SLC30A8: variants seen among roughly 807,000 people sequenced by gnomAD.
SLC30A8 encodes solute carrier family 30 member 8, also known as proton-coupled zinc antiporter SLC30A8.
A neutral mutation model predicts 36.9 loss-of-function variants in SLC30A8; 27 were observed. The observed-to-expected ratio is 0.73, with a 90% confidence interval of 0.54 to 1.01. The LOEUF (loss-of-function observed/expected upper bound fraction) is 1.01, where lower values mean the gene tolerates loss of function less well. Among genes scored for constraint, SLC30A8 ranks in the 50% least tolerant of loss-of-function variants. The pLI is 0.00. For missense variants in SLC30A8, 439 were observed against 452.0 expected, an observed-to-expected ratio of 0.97 and a Z score of 0.26; for synonymous variants, 164 against 172.4, an observed-to-expected ratio of 0.95 and a Z score of 0.38.
intron 1 of SLC30A8, among the ~76,000 whole-genome samples, chr8:116,971,314 A>C (rs573469655): frequency 1.4e-4 from 21 of 152,048 alleles, no homozygotes; most frequent in Middle Eastern, 6.8e-3. Flanking sequence ...AAAAAAAAAA[A>C]CAAAAACACA....
chr8:117,039,716 G>A (rs1377241924), intron 2 of SLC30A8, among the ~76,000 whole-genome samples: 1 of 152,228 alleles, frequency 6.6e-6, no homozygotes, highest in Admixed American at 6.5e-5. Flanking sequence ...AGGCATCAGT[G>A]AATAATAGCT....
intron 1 of SLC30A8, among the ~76,000 whole-genome samples, chr8:116,975,888 C>T (rs2130628028): frequency 6.6e-6 from 1 of 152,284 alleles, no homozygotes; most frequent in South Asian, 2.1e-4. Context: ...TTAAGACTCT[C>T]AGCTCGTGGG....
At chr8:117,015,871 G>A (rs1303004542) in intron 1 of SLC30A8, among the ~76,000 whole-genome samples, 1 of 152,114 alleles carries the variant, frequency 6.6e-6, no homozygotes, top group Non-Finnish European at 1.5e-5. Flanking sequence ...GGTACATTGG[G>A]GAGAGCCACA....
intron 2 of SLC30A8, among the ~76,000 whole-genome samples, chr8:117,040,468 C>A (rs1349764590): frequency 1.3e-5 from 2 of 152,126 alleles, no homozygotes; most frequent in Non-Finnish European, 2.9e-5. Flanking sequence ...TTTTAATAAA[C>A]TGCAAGAGGA....
At chr8:117,039,989 T>C (rs1460534399) in intron 2 of SLC30A8, among the ~76,000 whole-genome samples, 1 of 152,238 alleles carries the variant, frequency 6.6e-6, no homozygotes, top group Non-Finnish European at 1.5e-5. Flanking sequence ...TGCTAATATG[T>C]CTGTGCTAAC....
chr8:116,982,548 G>A (rs1349645627), intron 1 of SLC30A8, among the ~76,000 whole-genome samples: 2 of 152,116 alleles, frequency 1.3e-5, no homozygotes, highest in African/African-American at 4.8e-5. Flanking sequence ...ATTAATAAAA[G>A]CAAATAAGAT....
intron 2 of SLC30A8, among the ~76,000 whole-genome samples, chr8:117,106,630 C>T (rs1438540657): frequency 6.6e-6 from 1 of 152,088 alleles, no homozygotes; most frequent in East Asian, 1.9e-4. Context: ...CTTGGATTGG[C>T]TGCCTGTCAA....
At chr8:116,991,584 G>A (rs563489304) in intron 1 of SLC30A8, among the ~76,000 whole-genome samples, 13 of 152,208 alleles carry the variant, frequency 8.5e-5, no homozygotes, top group East Asian at 1.9e-4. Context: ...GATTATAGGC[G>A]TGAGCCACCA....
chr8:117,012,662 A>G (rs1451649224), intron 1 of SLC30A8, among the ~76,000 whole-genome samples: 1 of 149,212 alleles, frequency 6.7e-6, no homozygotes, highest in Non-Finnish European at 1.5e-5. Context: ...GGACGACTGT[A>G]TATAAGTGTG....
intron 2 of SLC30A8, among the ~76,000 whole-genome samples, chr8:117,049,018 A>C (rs1179177114): frequency 6.6e-6 from 1 of 152,208 alleles, no homozygotes; most frequent in Non-Finnish European, 1.5e-5. Context: ...TCTGAAGCAT[A>C]TATCTTGATT....
At chr8:117,107,600 A>T (rs537486341) in intron 2 of SLC30A8, among the ~76,000 whole-genome samples, 34 of 152,148 alleles carry the variant, frequency 2.2e-4, no homozygotes, top group Non-Finnish European at 4.0e-4. Context: ...TTGGGGCCAG[A>T]CATCCAATCT....
intron 1 of SLC30A8, among the ~76,000 whole-genome samples, chr8:117,037,754 G>C (rs1817260604): frequency 6.6e-6 from 1 of 152,172 alleles, no homozygotes; most frequent in Admixed American, 6.5e-5. Context: ...GGATTCCCTG[G>C]ACAGGGAAAG....
intron 2 of SLC30A8, among the ~76,000 whole-genome samples, chr8:117,106,494 T>G (rs1820001197): frequency 6.6e-6 from 1 of 152,188 alleles, no homozygotes; most frequent in Non-Finnish European, 1.5e-5. Context: ...TCAGAGATTG[T>G]TAGAGTAAGA....
intron 2 of SLC30A8, among the ~76,000 whole-genome samples, chr8:117,085,122 C>T (rs1818822504): frequency 6.6e-6 from 1 of 152,196 alleles, no homozygotes; most frequent in South Asian, 2.1e-4. Flanking sequence ...TCCCTTGGCT[C>T]TTTGGCAAGT....
intron 2 of SLC30A8, 34 bp downstream of exon 2, chr8:117,147,187 A>G: frequency 1.9e-6 from 3 of 1,580,596 alleles, no homozygotes; most frequent in Non-Finnish European, 2.6e-6. Context: ...TCATTAAACA[A>G]CCAAACAAAA....
At chr8:117,085,720 A>G (rs770687876) in intron 2 of SLC30A8, among the ~76,000 whole-genome samples, 2 of 152,178 alleles carry the variant, frequency 1.3e-5, no homozygotes, top group South Asian at 4.1e-4. Flanking sequence ...AATAACTATT[A>G]TTATCTTATA....
chr8:117,146,928 C>G, intron 1 of SLC30A8, 26 bp from the exon 2 acceptor site: 1 of 1,612,950 alleles, frequency 6.2e-7, no homozygotes. Flanking sequence ...ATGTTCACTT[C>G]TTGCTTCTGT....
chr8:117,136,275 A>G (rs925030647), intron 1 of SLC30A8, among the ~76,000 whole-genome samples: 14 of 151,986 alleles, frequency 9.2e-5, no homozygotes, highest in Non-Finnish European at 2.1e-4. Flanking sequence ...TTGCACAGTA[A>G]ATATACTTTC....
At chr8:117,151,965 G>T (rs979705599) in intron 2 of SLC30A8, among the ~76,000 whole-genome samples, 1 of 152,164 alleles carries the variant, frequency 6.6e-6, no homozygotes, top group African/African-American at 2.4e-5. Context: ...TATTAACTAC[G>T]GCTAGAGCCA....
Sources: allele counts gnomAD v4.1 joint callset (sites outside exome capture counted in the v4.1 genomes callset), GRCh38; gene constraint gnomAD v4.1.1; transcripts MANE v1.5; gene names NCBI Gene and HGNC (gene_info 2026-07-23, HGNC 2026-07-21).